SLC35H1: variants seen among roughly 807,000 people sequenced by gnomAD.
SLC35H1 encodes the protein ovarian cancer-overexpressed gene 1 protein.
the SLC35H1 span, chr20:46,357,875 G>A: frequency 1.9e-5 from 26 of 1,336,058 alleles, no homozygotes; most frequent in East Asian, 4.8e-5. Context: ...GGGCTCATTC[G>A]GTGGTTCATG....
the SLC35H1 span, among the ~76,000 whole-genome samples, chr20:46,360,635 C>T: frequency 6.6e-6 from 1 of 152,260 alleles, no homozygotes; most frequent in East Asian, 1.9e-4. Context: ...AGCTCCGCCT[C>T]CCAGGTTCAA....
chr20:46,350,465 G>C, the SLC35H1 span: 29 of 1,613,164 alleles, frequency 1.8e-5, no homozygotes, highest in Admixed American at 3.8e-4. Context: ...CTGCTCCGGA[G>C]CAGCAGCTCC....
At chr20:46,353,442 G>C in the SLC35H1 span, among the ~76,000 whole-genome samples, 1 of 152,196 alleles carries the variant, frequency 6.6e-6, no homozygotes, top group Non-Finnish European at 1.5e-5. Context: ...CAGGGTGAAG[G>C]GGGGCCCAGA....
the SLC35H1 span, chr20:46,348,430 T>G: frequency 1.3e-5 from 2 of 152,184 alleles, no homozygotes; most frequent in African/African-American, 4.8e-5. Context: ...CCAAGCAGCC[T>G]CTAAGACGGA....
the SLC35H1 span, chr20:46,357,476 G>A: frequency 2.1e-6 from 2 of 960,312 alleles, no homozygotes; most frequent in South Asian, 3.3e-5. Context: ...GTGGGTGGTG[G>A]GAGGCCAGGT....
chr20:46,361,914 C>T, the SLC35H1 span, among the ~76,000 whole-genome samples: 1 of 152,198 alleles, frequency 6.6e-6, no homozygotes, highest in African/African-American at 2.4e-5. Context: ...CTTGCAGCTC[C>T]TGCTTTTGCT....
the SLC35H1 span, chr20:46,350,809 G>A: frequency 1.9e-6 from 3 of 1,613,984 alleles, no homozygotes; most frequent in East Asian, 2.2e-5. Flanking sequence ...ATTCCCGAGA[G>A]GCAGAGGGCG....
At chr20:46,355,383 G>T in the SLC35H1 span, 4 of 861,570 alleles carry the variant, frequency 4.6e-6, no homozygotes, top group East Asian at 2.7e-5. The surrounding 1 kb of genome is among the most constrained non-coding windows in gnomAD (Gnocchi z 4.8). Flanking sequence ...ATCCCAGGGG[G>T]TCCTGGACAG....
the SLC35H1 span, among the ~76,000 whole-genome samples, chr20:46,351,439 T>C: frequency 6.6e-6 from 1 of 152,134 alleles, no homozygotes; most frequent in Non-Finnish European, 1.5e-5. Flanking sequence ...TCAACACTGG[T>C]GTGTGCCTGG....
At chr20:46,354,571 A>G in the SLC35H1 span, among the ~76,000 whole-genome samples, 8 of 152,322 alleles carry the variant, frequency 5.3e-5, no homozygotes, top group African/African-American at 1.9e-4. Flanking sequence ...TCTACCTGCA[A>G]AATGGGGGAT....
chr20:46,357,759 G>C, the SLC35H1 span: 1 of 1,614,100 alleles, frequency 6.2e-7, no homozygotes, highest in Non-Finnish European at 8.5e-7. Flanking sequence ...TCATGAAGAG[G>C]GGGAAATGGA....
At chr20:46,350,758 T>TACCTCTGG in the SLC35H1 span, 2 of 1,613,660 alleles carry the variant, frequency 1.2e-6, no homozygotes, top group Non-Finnish European at 1.7e-6. Context: ...GACTCTGGGT[T>TACCTCTGG]ACCTCTGGAA....
the SLC35H1 span, among the ~76,000 whole-genome samples, chr20:46,361,694 G>A: frequency 6.6e-6 from 1 of 152,284 alleles, no homozygotes; most frequent in Non-Finnish European, 1.5e-5. Context: ...CCCAAGTTGT[G>A]ATACCCAAGA....
At chr20:46,351,971 G>C in the SLC35H1 span, 1 of 1,450,162 alleles carries the variant, frequency 6.9e-7, no homozygotes, top group South Asian at 1.3e-5. Context: ...GGGTGCAGGA[G>C]CTGGGACTGA....
chr20:46,358,921 A>C, the SLC35H1 span: 66 of 631,162 alleles, frequency 1.0e-4, 1 homozygote, highest in Non-Finnish European at 1.8e-4. Context: ...CTGTCTTGTC[A>C]CCTCAAGCTA....
the SLC35H1 span, chr20:46,358,569 A>G: frequency 6.2e-7 from 1 of 1,612,990 alleles, no homozygotes; most frequent in Non-Finnish European, 8.5e-7. Flanking sequence ...CTTGAATACA[A>G]TGTGCAGGAA....
chr20:46,355,997 T>A, the SLC35H1 span: 4 of 1,407,560 alleles, frequency 2.8e-6, no homozygotes, highest in Non-Finnish European at 3.8e-6. The surrounding 1 kb of genome is among the most constrained non-coding windows in gnomAD (Gnocchi z 4.8). Context: ...GTCATCTGAG[T>A]GATAAGCGAC....
At chr20:46,362,711 A>T in the SLC35H1 span, among the ~76,000 whole-genome samples, 2 of 152,000 alleles carry the variant, frequency 1.3e-5, no homozygotes, top group African/African-American at 4.8e-5. Context: ...GCCCATCTCC[A>T]CTGCTCCAAT....
chr20:46,348,601 C>T, the SLC35H1 span: 4 of 152,230 alleles, frequency 2.6e-5, no homozygotes, highest in East Asian at 5.8e-4. Context: ...GCTCCACCTC[C>T]GCCTGCTGAG....
Sources: allele counts gnomAD v4.1 joint callset (sites outside exome capture counted in the v4.1 genomes callset), GRCh38; gene constraint gnomAD v4.1.1; non-coding constraint Gnocchi (gnomAD v3.1); transcripts MANE v1.5; gene names NCBI Gene and HGNC (gene_info 2026-07-23, HGNC 2026-07-21).